Variants in CLIP4 observed in about 807,000 individuals in gnomAD.
CLIP4 encodes the protein CAP-Gly domain-containing linker protein 4.
In CLIP4, 47 loss-of-function variants were observed where a neutral mutation model predicts 73.1. The observed-to-expected ratio is 0.64, with a 90% CI of 0.51 to 0.82. CLIP4 has a LOEUF of 0.82. CLIP4 is among the 40% of genes least tolerant of loss of function. The probability of loss-of-function intolerance (pLI) is 0.00; values close to 1 mark genes in which losing one functional copy is unlikely to be tolerated. For synonymous variants in CLIP4, 306 were observed against 295.4 expected (o/e 1.04, Z -0.37); for missense variants, 874 against 852.9 (o/e 1.02, Z -0.31).
At chr2:29,128,093 C>G (rs1296496119) in intron 2 of CLIP4, among the ~76,000 whole-genome samples, 2 of 151,842 alleles carry the variant, frequency 1.3e-5, no homozygotes, top group African/African-American at 2.4e-5. Flanking sequence ...TCAAATAAGC[C>G]TAGTTAGTTT....
chr2:29,176,451 C>T (rs1237188884), intron 15 of CLIP4, among the ~76,000 whole-genome samples: 1 of 152,182 alleles, frequency 6.6e-6, no homozygotes, highest in East Asian at 1.9e-4. Flanking sequence ...ACTTGAAGGC[C>T]TTGGAGGGCA....
intron 1 of CLIP4, among the ~76,000 whole-genome samples, chr2:29,099,683 C>T (rs1426759236): frequency 2.6e-5 from 4 of 152,100 alleles, no homozygotes; most frequent in East Asian, 1.9e-4. Context: ...TGGGGTCTTT[C>T]GCCTTTCCAC....
intron 1 of CLIP4, among the ~76,000 whole-genome samples, chr2:29,099,520 G>C (rs1312107261): frequency 6.6e-6 from 1 of 152,164 alleles, no homozygotes; most frequent in Non-Finnish European, 1.5e-5. Flanking sequence ...ATATTTGAGT[G>C]AGTATATTTC....
At chr2:29,121,347 A>T in intron 1 of CLIP4, 27 bp from the exon 2 acceptor site, 1 of 1,565,284 alleles carries the variant, frequency 6.4e-7, no homozygotes, top group South Asian at 1.2e-5. Context: ...TAAAGTAGAA[A>T]CACTTTTTTT....
Position 29,163,888 on chromosome 2 carries a change from G to A in CLIP4, c.1592G>A (p.Gly531Glu). ...CATGGCAAGAATGATGGTTCAGTTG[G>A]AGGTGTGCAGTATTTTAGCTGTTCT... The part of the protein sequence containing the change: ...KPHGKNDGSV[G>E]GVQYFSCSPR... Residue 531 changes from glycine to glutamate, a missense_variant, in exon 13 of 16, where the codon GGA becomes GAA. By Grantham distance (98) the Gly-to-Glu change is moderately conservative (BLOSUM62 -2). Coordinates refer to ENST00000320081, the MANE Select transcript of CLIP4 (RefSeq NM_024692.6). 1 of 1,613,630 alleles carries A rather than the reference G, an allele frequency of 6.2e-7. No individual in the cohort carries two copies. The highest frequency in any genetic ancestry group is 8.5e-7 in the Non-Finnish European group (1 of 1,179,582).
At chr2:29,114,812 T>A (rs980638837), upstream of CLIP4, 1 of 152,306 alleles carries the variant, frequency 6.6e-6, no homozygotes, top group Non-Finnish European at 1.5e-5. Context: ...CACTGTTGTC[T>A]CCATGTTTCA....
At chr2:29,133,891 G>GAAAAA in intron 5 of CLIP4, 75 bp downstream of exon 5, 1 of 1,297,348 alleles carries the variant, frequency 7.7e-7, no homozygotes, top group Non-Finnish European at 1.0e-6. Flanking sequence ...ATAATTCAAG[G>GAAAAA]ATATTTTTTC....
Position 29,182,223 on chromosome 2 carries a change from G to A in CLIP4, c.*330G>A, listed in dbSNP as rs1301809435. ...TGTTTTGTTTTTGCACATCATAATG[G>A]ATTTTTCTTAGTGCCCTAATTGTGA... is the stretch of plus-strand genomic sequence containing the variant. On this transcript the variant is annotated 3_prime_UTR_variant, in exon 16 of 16. Coordinates refer to ENST00000320081, the MANE Select transcript of CLIP4 (RefSeq NM_024692.6). 2.2e-5 allele frequency: 4 copies of A among 178,268 alleles called. No individual in the cohort carries two copies. Among genetic ancestry groups the A allele is most frequent in the Non-Finnish European group, 4.7e-5 (4 of 85,156 alleles). 11.0% of individuals were successfully genotyped at this position (178,268 alleles called of 1,614,324 possible).
intron 1 of CLIP4, among the ~76,000 whole-genome samples, chr2:29,103,318 C>G (rs573128557): frequency 6.6e-6 from 1 of 152,036 alleles, no homozygotes; most frequent in East Asian, 1.9e-4. Context: ...AACCTTATGT[C>G]TACAAAGCCT....
chr2:29,116,004 G>T (rs1017672330), intron 1 of CLIP4, among the ~76,000 whole-genome samples: 29 of 152,210 alleles, frequency 1.9e-4, no homozygotes, highest in Non-Finnish European at 4.1e-4. Flanking sequence ...AGCCGCGGCT[G>T]CCCCGAGAGT....
chr2:29,154,903 G>A (rs1359814693), intron 9 of CLIP4, among the ~76,000 whole-genome samples: 1 of 152,104 alleles, frequency 6.6e-6, no homozygotes, highest in Admixed American at 6.5e-5. Flanking sequence ...GGCTACATGG[G>A]TTGACTGCCT....
chr2:29,170,865 C>T (rs1667958640), intron 14 of CLIP4, among the ~76,000 whole-genome samples: 1 of 151,508 alleles, frequency 6.6e-6, no homozygotes, highest in Admixed American at 6.6e-5. Context: ...TGTCTTTTTT[C>T]CATTGAATTG....
At chr2:29,163,544 T>C (rs1217906230) in intron 12 of CLIP4, among the ~76,000 whole-genome samples, 1 of 152,228 alleles carries the variant, frequency 6.6e-6, no homozygotes, top group Non-Finnish European at 1.5e-5. Flanking sequence ...TTTGGTCATA[T>C]ACTGTTTACA....
intron 6 of CLIP4, among the ~76,000 whole-genome samples, chr2:29,140,862 G>A (rs1665715519): frequency 6.6e-6 from 1 of 152,078 alleles, no homozygotes; most frequent in Admixed American, 6.6e-5. Flanking sequence ...GTGTTTTTTG[G>A]CTGCATAAAT....
At chr2:29,120,572 CAG>C (rs1344703722) in intron 1 of CLIP4, among the ~76,000 whole-genome samples, 2 of 152,052 alleles carry the variant, frequency 1.3e-5, no homozygotes, top group Admixed American at 6.6e-5. Flanking sequence ...ATTTTAAAAA[CAG>C]GAATTCATGA....
At chr2:29,105,805 T>C (rs2148436113) in intron 1 of CLIP4, among the ~76,000 whole-genome samples, 1 of 152,212 alleles carries the variant, frequency 6.6e-6, no homozygotes, top group East Asian at 1.9e-4. Flanking sequence ...GAAAAATGGC[T>C]GTCTGTGAAC....
At chr2:29,104,382 C>T (rs1197128344) in intron 1 of CLIP4, among the ~76,000 whole-genome samples, 1 of 152,118 alleles carries the variant, frequency 6.6e-6, no homozygotes, top group Non-Finnish European at 1.5e-5. Context: ...CTCAAGTGAT[C>T]CTCCAGCCTC....
intron 15 of CLIP4, among the ~76,000 whole-genome samples, chr2:29,176,696 A>G (rs1430453072): frequency 1.3e-5 from 2 of 151,916 alleles, no homozygotes; most frequent in African/African-American, 4.8e-5. Context: ...ATTCTCCTTC[A>G]CTCTGCGGAT....
chr2:29,107,836 G>A (rs1668272540), intron 1 of CLIP4, among the ~76,000 whole-genome samples: 1 of 152,132 alleles, frequency 6.6e-6, no homozygotes, highest in South Asian at 2.1e-4. Flanking sequence ...ACAAGCACAT[G>A]CTGCTGCACC....
Sources: allele counts gnomAD v4.1 joint callset (sites outside exome capture counted in the v4.1 genomes callset), GRCh38; gene constraint gnomAD v4.1.1; transcripts MANE v1.5; gene names NCBI Gene and HGNC (gene_info 2026-07-23, HGNC 2026-07-21).